NSD3: variants seen among roughly 807,000 people sequenced by gnomAD.
The protein encoded by NSD3 is histone-lysine N-methyltransferase NSD3.
In NSD3, 24 loss-of-function variants were observed where a neutral mutation model predicts 160.8. The observed-to-expected ratio is 0.15, with a 90% confidence interval of 0.11 to 0.21. The LOEUF is 0.21. Among genes scored for constraint, NSD3 ranks in the 10% least tolerant of loss-of-function variants. The probability of loss-of-function intolerance (pLI) is 1.00; values close to 1 mark genes in which losing one functional copy is unlikely to be tolerated. For synonymous variants in NSD3, 520 were observed against 600.0 expected (o/e 0.87, Z 1.95); for missense variants, 1,157 against 1,735.9 (o/e 0.67, Z 5.93).
At chr8:38,287,883 ACCT>A (rs1243234892) in intron 19 of NSD3, among the ~76,000 whole-genome samples, 5 of 152,112 alleles carry the variant, frequency 3.3e-5, no homozygotes, top group Non-Finnish European at 7.4e-5. Flanking sequence ...CAATCTCCTG[ACCT>A]CGGCTGTGAC....
At chr8:38,372,891 A>C (rs2150396073) in intron 1 of NSD3, among the ~76,000 whole-genome samples, 1 of 149,780 alleles carries the variant, frequency 6.7e-6, no homozygotes, top group South Asian at 2.1e-4. Context: ...TCTCTACTAA[A>C]ACTACAAAAA....
chr8:38,329,585 C>T lies in NSD3; in HGVS notation c.1374G>A (p.Ala458=), dbSNP rs750958511. 2.5e-5 allele frequency: 40 copies of T among 1,614,230 alleles called. No individual in the cohort carries two copies. Among genetic ancestry groups the T allele is most frequent in the Non-Finnish European group, 3.1e-5 (36 of 1,180,048 alleles). The part of the protein sequence containing the change: ...RRHSQRRHTS[A]EEEEPPPVKI... ...TAACAGGCGGTGGCTCTTCCTCTTC[C>T]GCACTTGTGTGCCGCCTCTGGCTAT... is the stretch of plus-strand genomic sequence containing the variant. Residue 458 remains alanine (A), a synonymous_variant, in exon 6 of 24, where the codon GCG becomes GCA. Coordinates refer to ENST00000317025, the MANE Select transcript of NSD3 (RefSeq NM_023034.2). The surrounding 1 kb of genome is among the most constrained non-coding windows in gnomAD (Gnocchi z 4.8).
At chr8:38,277,764 A>T (rs548222648) in intron 22 of NSD3, among the ~76,000 whole-genome samples, 7 of 152,218 alleles carry the variant, frequency 4.6e-5, no homozygotes, top group Middle Eastern at 3.4e-3. Context: ...TGCTAATTTC[A>T]TATTCAATCT....
chr8:38,317,594 T>A lies in NSD3; in HGVS notation c.1855+1301A>T, dbSNP rs923199168. The A allele has an allele frequency of 2.8e-6, 3 of 1,090,306 alleles. No individual in the cohort carries two copies. The Admixed American group carries it at 1.5e-4, about 53-fold the overall frequency. The allele number at this position is 1,090,306 out of a possible 1,614,324, so 67.5% of individuals were successfully genotyped here. On this transcript the variant is annotated intron_variant, in intron 9 of 23. Transcript: ENST00000317025. The surrounding 1 kb of genome is among the most constrained non-coding windows in gnomAD (Gnocchi z 5.3). ...AAATAAGAACTTTTAATGATTGTAA[T>A]GTATACAGTTTGGGCTGTTTGGCAA...
chr8:38,364,476 T>C (rs1323105318), intron 1 of NSD3, among the ~76,000 whole-genome samples: 3 of 152,194 alleles, frequency 2.0e-5, no homozygotes, highest in Non-Finnish European at 2.9e-5. Context: ...ATGGAAAGAA[T>C]TTCTCCCATT....
At chr8:38,370,719 T>C (rs970486554) in intron 1 of NSD3, among the ~76,000 whole-genome samples, 2 of 152,162 alleles carry the variant, frequency 1.3e-5, no homozygotes, top group African/African-American at 2.4e-5. Flanking sequence ...CTAAAATTGA[T>C]TGTGGTGATG....
At chr8:38,305,720 C>A (rs1233294115) in intron 12 of NSD3, among the ~76,000 whole-genome samples, 1 of 152,138 alleles carries the variant, frequency 6.6e-6, no homozygotes, top group Non-Finnish European at 1.5e-5. Flanking sequence ...ATTTGTTTGA[C>A]ATCTGGTAGC....
At chr8:38,278,230 G>A (rs1272655658) in intron 22 of NSD3, 76 bp downstream of exon 22, 185 of 1,342,742 alleles carry the variant, frequency 1.4e-4, no homozygotes, top group Middle Eastern at 2.2e-4. Context: ...GAGCCACCGC[G>A]CCCGGCCAAA....
At chr8:38,277,172 G>C (rs1043170667) in intron 22 of NSD3, among the ~76,000 whole-genome samples, 12 of 152,248 alleles carry the variant, frequency 7.9e-5, no homozygotes, top group African/African-American at 1.7e-4. Flanking sequence ...GAACTCCTGA[G>C]CTCAGGCAAT....
At chr8:38,342,237 A>C (rs1339788604) in intron 2 of NSD3, among the ~76,000 whole-genome samples, 1 of 152,206 alleles carries the variant, frequency 6.6e-6, no homozygotes, top group Non-Finnish European at 1.5e-5. Flanking sequence ...GGGAGTATCT[A>C]TTATAAAATG....
rs1384474680 is a variant in NSD3, at chr8:38,275,000, C to T, written c.*641G>A. 9.1e-6 allele frequency: 2 copies of T among 219,572 alleles called. No individual in the cohort carries two copies. Among genetic ancestry groups the T allele is most frequent in the Non-Finnish European group, 1.8e-5 (2 of 109,520 alleles). The allele number at this position is 219,572 out of a possible 1,614,324, so 13.6% of individuals were successfully genotyped here. On this transcript the variant is annotated 3_prime_UTR_variant, in exon 24 of 24. Transcript: ENST00000317025. The stretch of plus-strand genomic sequence containing the variant: ...ACAAAGCCCACCTTGTTTAAGACCA[C>T]AGAGGTAAAATCCACCGAGGCATTG...
chr8:38,294,498 AT>A (rs1809084120), intron 16 of NSD3, among the ~76,000 whole-genome samples: 1 of 152,228 alleles, frequency 6.6e-6, no homozygotes, highest in African/African-American at 2.4e-5. Context: ...TTCCTGCTTC[AT>A]TCCCTTAAGA....
intron 1 of NSD3, among the ~76,000 whole-genome samples, chr8:38,354,858 G>T (rs1193688595): frequency 6.6e-6 from 1 of 152,090 alleles, no homozygotes; most frequent in African/African-American, 2.4e-5. Flanking sequence ...CAAGCTAAAG[G>T]GGCCACATTG....
intron 3 of NSD3, 27 bp from the exon 4 acceptor site, chr8:38,337,494 T>C: frequency 6.6e-7 from 1 of 1,520,110 alleles, no homozygotes; most frequent in Non-Finnish European, 8.8e-7. Flanking sequence ...AAAAACTTCA[T>C]CAGAAATTCA....
chr8:38,278,710 T>C (rs890705078), intron 21 of NSD3, among the ~76,000 whole-genome samples: 6 of 152,236 alleles, frequency 3.9e-5, no homozygotes, highest in African/African-American at 1.4e-4. Flanking sequence ...CTCAGGAGAC[T>C]AGGTTCCAGT....
At chr8:38,355,836 A>G (rs986900548) in intron 1 of NSD3, among the ~76,000 whole-genome samples, 1 of 152,230 alleles carries the variant, frequency 6.6e-6, no homozygotes, top group African/African-American at 2.4e-5. Context: ...TTTACTTCAC[A>G]GAACACCCCT....
chr8:38,336,181 A>G (rs1810210953), intron 4 of NSD3: 1 of 152,254 alleles, frequency 6.6e-6, no homozygotes, highest in Admixed American at 6.5e-5. Flanking sequence ...AAGAAAAAGA[A>G]ACAGGTACAA....
chr8:38,333,063 A>C (rs775597174), intron 4 of NSD3, among the ~76,000 whole-genome samples: 4 of 152,176 alleles, frequency 2.6e-5, no homozygotes, highest in Non-Finnish European at 4.4e-5. Context: ...AAAAATAGAA[A>C]TATAACCTAA....
intron 1 of NSD3, among the ~76,000 whole-genome samples, chr8:38,378,255 C>G (rs1811444478): frequency 6.6e-6 from 1 of 152,084 alleles, no homozygotes; most frequent in Non-Finnish European, 1.5e-5. Context: ...CCTGTAATTC[C>G]AGCACTTTGG....
Sources: allele counts gnomAD v4.1 joint callset (sites outside exome capture counted in the v4.1 genomes callset), GRCh38; gene constraint gnomAD v4.1.1; non-coding constraint Gnocchi (gnomAD v3.1); transcripts MANE v1.5; gene names NCBI Gene and HGNC (gene_info 2026-07-23, HGNC 2026-07-21).